PIWIL2: variants seen among roughly 807,000 people sequenced by gnomAD.
PIWIL2 encodes the protein piwi like RNA-mediated gene silencing 2.
In PIWIL2, 81 loss-of-function variants were observed where a neutral mutation model predicts 116.5. The ratio of observed to expected loss-of-function variants is 0.70; its 90% CI spans 0.58 to 0.84. The LOEUF (loss-of-function observed/expected upper bound fraction) is 0.84. PIWIL2 is among the 40% of genes least tolerant of loss of function. The pLI, the probability that PIWIL2 is intolerant of heterozygous loss-of-function variation, is 0.00. For missense variants in PIWIL2, 1,272 were observed against 1,212.3 expected, an observed-to-expected ratio of 1.05 and a Z score of -0.73; for synonymous variants, 489 against 429.5, an observed-to-expected ratio of 1.14 and a Z score of -1.71.
intron 21 of PIWIL2, among the ~76,000 whole-genome samples, chr8:22,353,828 G>A (rs1832430191): frequency 7.6e-6 from 1 of 131,266 alleles, no homozygotes; most frequent in Non-Finnish European, 1.5e-5. Flanking sequence ...AGGGTGGAGT[G>A]CAATGATGTG....
chr8:22,315,441 T>C (rs1278084954), intron 18 of PIWIL2, among the ~76,000 whole-genome samples: 2 of 152,208 alleles, frequency 1.3e-5, no homozygotes, highest in East Asian at 1.9e-4. Flanking sequence ...CTCAGCCTCC[T>C]GAGTAGCTGG....
chr8:22,333,493 T>C (rs1462833779), intron 20 of PIWIL2, among the ~76,000 whole-genome samples: 1 of 151,960 alleles, frequency 6.6e-6, no homozygotes, highest in Non-Finnish European at 1.5e-5. Context: ...ATGCCTGTAA[T>C]CCTAGCTAGT....
At chr8:22,322,317 C>T (rs1285267981) in intron 20 of PIWIL2, among the ~76,000 whole-genome samples, 3 of 151,794 alleles carry the variant, frequency 2.0e-5, no homozygotes, top group Admixed American at 2.0e-4. Context: ...GAGTCACAGT[C>T]TCGGTTCACT....
chr8:22,340,543 A>G (rs1832084425), intron 20 of PIWIL2, among the ~76,000 whole-genome samples: 1 of 152,124 alleles, frequency 6.6e-6, no homozygotes, highest in Admixed American at 6.6e-5. Flanking sequence ...CCTTAAGAAG[A>G]CAGGGATAGG....
Position 22,311,111 on chromosome 8 carries a change from G to C in PIWIL2, c.1801-1G>C. On this transcript the variant is annotated splice_acceptor_variant, in intron 15 of 22. Coordinates refer to ENST00000356766, the MANE Select transcript of PIWIL2 (RefSeq NM_018068.5). LOFTEE classifies it high-confidence loss of function. Reference sequence around the variant, plus strand: ...TACTAAAAGCTCTTGGTTGTTCCTAGATCCCCATGCATTTCTGGGCACTTT... The same window carrying C: ...TACTAAAAGCTCTTGGTTGTTCCTACATCCCCATGCATTTCTGGGCACTTT... 1.9e-6 allele frequency: 3 copies of C among 1,605,966 alleles called. No homozygotes were observed. The highest frequency in any genetic ancestry group is 2.6e-6 in the Non-Finnish European group (3 of 1,176,190).
intron 20 of PIWIL2, among the ~76,000 whole-genome samples, chr8:22,330,697 A>AAAAT (rs3992768): frequency 0.23 from 31,510 of 136,872 alleles, 3,754 homozygotes; most frequent in East Asian, 0.3. Context: ...ACTCTGTCTC[A>AAAAT]AAATAAATAA....
intron 10 of PIWIL2, among the ~76,000 whole-genome samples, chr8:22,303,334 C>T (rs1831096414): frequency 6.6e-6 from 1 of 152,150 alleles, no homozygotes; most frequent in South Asian, 2.1e-4. Context: ...ACTCTATGTC[C>T]ACATTTTGCA....
chr8:22,315,257 A>C (rs7013710), intron 18 of PIWIL2, 112 bp downstream of exon 18: 1 of 669,612 alleles, frequency 1.5e-6, no homozygotes, highest in Non-Finnish European at 2.7e-6. Context: ...TCAGTAGTCT[A>C]AATGGCTCCC....
chr8:22,279,339 A>G lies in PIWIL2; in HGVS notation c.-46-2A>G, dbSNP rs1830446533. On this transcript the variant is annotated splice_acceptor_variant, in intron 1 of 22. Coordinates refer to ENST00000356766, the MANE Select transcript of PIWIL2 (RefSeq NM_018068.5). LOFTEE classifies it low-confidence loss of function (5UTR_SPLICE). ...ATCTTAATCTTTTGAAAATGATGGC[A>G]GGTAATTAACCAGAACAGGATCGAC... 7.4e-7 allele frequency: 1 copy of G among 1,360,224 alleles called. No individual in the cohort carries two copies. Among genetic ancestry groups the G allele is most frequent in the African/African-American group, 1.4e-5 (1 of 69,946 alleles). 84.3% of individuals were successfully genotyped at this position (1,360,224 alleles called of 1,614,324 possible).
chr8:22,318,348 A>T, intron 20 of PIWIL2, 73 bp downstream of exon 20: 1 of 821,676 alleles, frequency 1.2e-6, no homozygotes. Context: ...ACAGAGTCTC[A>T]CTCTTGTCGC....
intron 10 of PIWIL2, among the ~76,000 whole-genome samples, chr8:22,296,604 A>C (rs1830913339): frequency 6.6e-6 from 1 of 152,230 alleles, no homozygotes; most frequent in Admixed American, 6.5e-5. Flanking sequence ...TTTTGAAGGC[A>C]CTACTCCATC....
intron 10 of PIWIL2, among the ~76,000 whole-genome samples, chr8:22,295,399 A>G (rs1830873682): frequency 6.6e-6 from 1 of 151,922 alleles, no homozygotes; most frequent in African/African-American, 2.4e-5. Flanking sequence ...TCAAATTCAC[A>G]CCGAGTTGTG....
chr8:22,294,596 G>C (rs1412099086), intron 10 of PIWIL2, among the ~76,000 whole-genome samples: 2 of 134,330 alleles, frequency 1.5e-5, no homozygotes, highest in Non-Finnish European at 3.1e-5. Flanking sequence ...AGCCGAGATT[G>C]TGCCAGTGCA....
intron 10 of PIWIL2, among the ~76,000 whole-genome samples, chr8:22,294,525 C>G (rs1830842342): frequency 6.7e-6 from 1 of 150,072 alleles, no homozygotes; most frequent in Non-Finnish European, 1.5e-5. Context: ...CCTGTAGTCC[C>G]AGCTACTCAG....
intron 20 of PIWIL2, among the ~76,000 whole-genome samples, chr8:22,326,292 A>G (rs886882153): frequency 6.6e-6 from 1 of 152,086 alleles, no homozygotes; most frequent in Non-Finnish European, 1.5e-5. Context: ...AGGCCAAGGC[A>G]GGTGGATTGC....
At chr8:22,303,928 G>A in intron 10 of PIWIL2, 93 bp from the exon 11 acceptor site, 1 of 760,920 alleles carries the variant, frequency 1.3e-6, no homozygotes, top group Non-Finnish European at 2.1e-6. Context: ...CTATATAGCT[G>A]TGATTAGATT....
At chr8:22,282,244 C>CTTTTT (rs34130038) in intron 4 of PIWIL2, among the ~76,000 whole-genome samples, 2 of 33,570 alleles carry the variant, frequency 6.0e-5, no homozygotes, top group Non-Finnish European at 1.1e-4. Context: ...CCACACCCGG[C>CTTTTT]TTTTTTTTTT....
intron 10 of PIWIL2, among the ~76,000 whole-genome samples, chr8:22,291,410 C>G (rs1468468731): frequency 6.6e-6 from 1 of 152,066 alleles, no homozygotes; most frequent in Non-Finnish European, 1.5e-5. Context: ...CTCAGCCTCC[C>G]AAAGTGCTGG....
chr8:22,341,904 A>C (rs961337459), intron 20 of PIWIL2, among the ~76,000 whole-genome samples: 2 of 152,042 alleles, frequency 1.3e-5, no homozygotes, highest in African/African-American at 4.8e-5. Flanking sequence ...CCAACAACAA[A>C]AAACCCTGCT....
Sources: gnomAD v4.1 joint callset for allele counts (sites outside exome capture counted in the v4.1 genomes callset) on GRCh38, gnomAD v4.1.1 for gene constraint, MANE v1.5 for transcripts, NCBI Gene and HGNC (gene_info 2026-07-23, HGNC 2026-07-21) for gene names.